TMPRSS11A: variants seen among roughly 807,000 people sequenced by gnomAD.
TMPRSS11A encodes transmembrane serine protease 11A.
In TMPRSS11A, 53 loss-of-function variants were observed where a neutral mutation model predicts 58.9. The observed-to-expected ratio is 0.90, with a 90% CI of 0.72 to 1.13. The LOEUF is 1.13. TMPRSS11A is among the 50% of genes most tolerant of loss of function. The pLI, the probability that TMPRSS11A is intolerant of heterozygous loss-of-function variation, is 0.00. For missense variants in TMPRSS11A, 493 were observed against 499.3 expected (o/e 0.99, Z 0.12); for synonymous variants, 167 against 169.8 (o/e 0.98, Z 0.13).
chr4:67,917,358 C>T, intron 8 of TMPRSS11A, among the ~76,000 whole-genome samples: 1 of 152,030 alleles, frequency 6.6e-6, no homozygotes, highest in East Asian at 1.9e-4. Flanking sequence ...GAGATATTCT[C>T]TTTATTTACA....
Position 67,952,420 on chromosome 4 carries a change from T to A in TMPRSS11A, c.12-5849A>T, listed in dbSNP as rs188973858. ...CATAAAAGGTAAGTGAAAGGATTTA[T>A]AGAATCAGTGTAGAGGTGGTTTTAC... On this transcript the variant is annotated intron_variant, in intron 1 of 9. Coordinates refer to ENST00000508048, the MANE Select transcript of TMPRSS11A (RefSeq NM_001114387.2). Among the ~76,000 whole-genome samples the A allele has an allele frequency of 2.0e-5, 3 of 152,364 alleles. No individual in the cohort carries two copies. In the East Asian group the frequency reaches 5.8e-4, roughly 29 times the overall value.
chr4:67,920,990 T>G (rs1720310289), intron 7 of TMPRSS11A, among the ~76,000 whole-genome samples: 1 of 152,168 alleles, frequency 6.6e-6, no homozygotes, highest in African/African-American at 2.4e-5. Flanking sequence ...CACTTATGGT[T>G]TGGATATTCT....
chr4:67,934,452 C>G (rs1281597025), intron 3 of TMPRSS11A, among the ~76,000 whole-genome samples: 3 of 152,132 alleles, frequency 2.0e-5, no homozygotes, highest in Non-Finnish European at 4.4e-5. Flanking sequence ...TTCAGAGAAA[C>G]TTATATATTT....
intron 4 of TMPRSS11A, 60 bp from the exon 5 acceptor site, chr4:67,930,100 C>T: frequency 6.7e-7 from 1 of 1,490,234 alleles, no homozygotes; most frequent in Non-Finnish European, 9.2e-7. Context: ...GTCCTTCAGT[C>T]TTACCTGTAT....
At chr4:67,962,259 A>T (rs910645099) in intron 1 of TMPRSS11A, among the ~76,000 whole-genome samples, 4 of 152,106 alleles carry the variant, frequency 2.6e-5, no homozygotes, top group Admixed American at 6.6e-5. Context: ...GTCAATTACT[A>T]TGTGATTACT....
chr4:67,950,477 A>G (rs1247645000), intron 1 of TMPRSS11A, among the ~76,000 whole-genome samples: 1 of 152,252 alleles, frequency 6.6e-6, no homozygotes, highest in African/African-American at 2.4e-5. Context: ...GGGTAGGCCC[A>G]TCAGGGATAC....
intron 7 of TMPRSS11A, among the ~76,000 whole-genome samples, chr4:67,920,549 A>ATATATATATATTT (rs371252656): frequency 2.3e-5 from 3 of 130,898 alleles, no homozygotes; most frequent in African/African-American, 9.2e-5. Flanking sequence ...ATATATATAT[A>ATATATATATATTT]TTTTTTTTTA....
chr4:67,932,148 A>T (rs1055342446), intron 3 of TMPRSS11A, 88 bp from the exon 4 acceptor site: 25 of 710,386 alleles, frequency 3.5e-5, no homozygotes, highest in South Asian at 2.7e-4. Context: ...GCAATCAAAA[A>T]TTTTTTCACA....
intron 8 of TMPRSS11A, among the ~76,000 whole-genome samples, chr4:67,918,316 A>T (rs990081103): frequency 6.6e-6 from 1 of 152,222 alleles, no homozygotes; most frequent in Non-Finnish European, 1.5e-5. Flanking sequence ...TATTTCTTAC[A>T]AGACTAAGTT....
intron 3 of TMPRSS11A, among the ~76,000 whole-genome samples, chr4:67,942,361 G>A (rs72851240): frequency 0.021 from 3,126 of 152,248 alleles, 107 homozygotes; most frequent in African/African-American, 0.071. Flanking sequence ...AGTCATTAGT[G>A]TCCTTACAAA....
At chr4:67,959,069 T>C (rs891427094) in intron 1 of TMPRSS11A, among the ~76,000 whole-genome samples, 1 of 152,184 alleles carries the variant, frequency 6.6e-6, no homozygotes, top group Non-Finnish European at 1.5e-5. Flanking sequence ...GTCTCAGGTA[T>C]GTCTTTATCA....
At chr4:67,949,207 TCTC>T (rs1054702387) in intron 1 of TMPRSS11A, among the ~76,000 whole-genome samples, 12 of 151,670 alleles carry the variant, frequency 7.9e-5, no homozygotes, top group Admixed American at 3.9e-4. Flanking sequence ...AAGAATCACA[TCTC>T]CCACCACCAA....
chr4:67,958,279 C>A (rs1379272696), intron 1 of TMPRSS11A, among the ~76,000 whole-genome samples: 1 of 152,168 alleles, frequency 6.6e-6, no homozygotes, highest in African/African-American at 2.4e-5. Context: ...TCACCATGCA[C>A]CTGGAAAAGC....
intron 3 of TMPRSS11A, among the ~76,000 whole-genome samples, chr4:67,941,762 G>C (rs944565218): frequency 1.3e-5 from 2 of 152,094 alleles, no homozygotes; most frequent in African/African-American, 2.4e-5. Context: ...TAATGTAAAA[G>C]ATAAAACTAT....
intron 3 of TMPRSS11A, among the ~76,000 whole-genome samples, chr4:67,942,861 A>G (rs952144353): frequency 6.6e-6 from 1 of 152,216 alleles, no homozygotes; most frequent in South Asian, 2.1e-4. Context: ...AACTAAAGGT[A>G]TATTTAGTAA....
intron 2 of TMPRSS11A, among the ~76,000 whole-genome samples, chr4:67,944,988 T>A (rs911163336): frequency 6.6e-6 from 1 of 152,162 alleles, no homozygotes; most frequent in African/African-American, 2.4e-5. Context: ...AAGTTTTAAA[T>A]CCAGTCTAGC....
intron 3 of TMPRSS11A, 147 bp downstream of exon 3, chr4:67,944,372 A>T: frequency 1.2e-6 from 1 of 827,816 alleles, no homozygotes; most frequent in Non-Finnish European, 1.9e-6. Context: ...TACTCTGATT[A>T]AGCAGGTCTG....
chr4:67,921,166 A>C (rs1423358836), intron 7 of TMPRSS11A, among the ~76,000 whole-genome samples: 1 of 152,178 alleles, frequency 6.6e-6, no homozygotes, highest in African/African-American at 2.4e-5. Flanking sequence ...AGATATTTGC[A>C]AAAATAGAAC....
At chr4:67,950,161 T>G (rs1001142777) in intron 1 of TMPRSS11A, among the ~76,000 whole-genome samples, 1 of 152,194 alleles carries the variant, frequency 6.6e-6, no homozygotes, top group Non-Finnish European at 1.5e-5. Context: ...CTGCTCAGGA[T>G]CTCACATGGC....
Sources: allele counts gnomAD v4.1 joint callset (sites outside exome capture counted in the v4.1 genomes callset), GRCh38; gene constraint gnomAD v4.1.1; transcripts MANE v1.5; gene names NCBI Gene and HGNC (gene_info 2026-07-23, HGNC 2026-07-21).